The following NEU4 variants were observed in gnomAD, a reference collection of about 807,000 sequenced individuals.
The protein encoded by NEU4 is sialidase-4.
A neutral mutation model predicts 9.9 loss-of-function variants in NEU4; 7 were observed. The observed-to-expected ratio is 0.71, with a 90% CI of 0.40 to 1.33. The LOEUF is 1.33. NEU4 is among the 40% of genes most tolerant of loss of function. NEU4 has a pLI of 0.01. For missense variants in NEU4, 717 were observed against 712.6 expected (o/e 1.01, Z -0.07); for synonymous variants, 348 against 316.9 (o/e 1.10, Z -1.04).
intron 1 of NEU4, among the ~76,000 whole-genome samples, chr2:241,812,561 C>A (rs1411734947): frequency 0.016 from 967 of 59,990 alleles, 11 homozygotes; most frequent in East Asian, 0.048. Context: ...GAACCCAGGG[C>A]CTGGCCACAC....
At chr2:241,814,273 G>A (rs1456594047) in intron 1 of NEU4, 2 of 620,312 alleles carry the variant, frequency 3.2e-6, no homozygotes, top group African/African-American at 1.8e-5. Flanking sequence ...GGGTGGAGTG[G>A]GTGCGAGGGA....
At chr2:241,811,517 G>A (rs1700116122) in intron 1 of NEU4, 3 of 1,426,026 alleles carry the variant, frequency 2.1e-6, no homozygotes, top group Non-Finnish European at 2.8e-6. Flanking sequence ...CGGGCGCCCG[G>A]GGTCAGGACC....
At chr2:241,815,775 T>C (rs1412935537) in intron 3 of NEU4, 2 of 585,576 alleles carry the variant, frequency 3.4e-6, no homozygotes, top group Non-Finnish European at 6.1e-6. Context: ...CAGGGCCTCA[T>C]GCCCCCCGCC....
At position 241,815,072 on chromosome 2, in the gene NEU4, G is replaced by T. The variant is rs867650795; in HGVS notation, c.382G>T (p.Ala128Ser). The T allele has an allele frequency of 2.5e-6, 4 of 1,580,538 alleles. No homozygotes were observed. The highest frequency in any genetic ancestry group is 3.4e-6 in the Non-Finnish European group (4 of 1,170,346). ...GAACGCCGCGCGCCTCTGCTGTGTG[G>T]CCAGCCGTGACGCCGGCCTCTCGTG... Reference protein sequence around the residue: ...GRNAARLCCVASRDAGLSWGS... With the variant: ...GRNAARLCCVSSRDAGLSWGS... Residue 128 changes from alanine (A) to serine (S), a missense_variant, in exon 3 of 4, where the codon GCC becomes TCC. Transcript: ENST00000407683.
At chr2:241,814,060 G>A in intron 1 of NEU4, 1 of 463,732 alleles carries the variant, frequency 2.2e-6, no homozygotes, top group Non-Finnish European at 4.4e-6. Flanking sequence ...GCTCCTCCTT[G>A]CTCGAGGTTT....
At chr2:241,814,112 T>G (rs1407482165) in intron 1 of NEU4, 1 of 569,688 alleles carries the variant, frequency 1.8e-6, no homozygotes, top group Middle Eastern at 2.7e-4. Context: ...GGGCGAATTC[T>G]GGGATGACCC....
chr2:241,814,825 T>C, intron 2 of NEU4, 67 bp from the exon 3 acceptor site: 1 of 1,559,254 alleles, frequency 6.4e-7, no homozygotes. Context: ...CGATCCTGGG[T>C]GCCCTGCGGG....
chr2:241,817,183 A>G lies in NEU4; in HGVS notation c.*135A>G. On this transcript the variant is annotated 3_prime_UTR_variant, in exon 4 of 4. Transcript: ENST00000407683. ...GGATTAGAAACAAGTTGCTCCTCAG[A>G]GCTCTCAAGCAGGGACTGCTCTTTA... 1 of 948,890 alleles carries G rather than the reference A, an allele frequency of 1.1e-6. No homozygotes were observed. Among genetic ancestry groups the G allele is most frequent in the Non-Finnish European group, 1.5e-6 (1 of 676,516 alleles). The allele number at this position is 948,890 out of a possible 1,614,324, so 58.8% of individuals were successfully genotyped here.
intron 1 of NEU4, chr2:241,811,934 G>A (rs1003148275): frequency 2.4e-5 from 4 of 163,730 alleles, no homozygotes; most frequent in Non-Finnish European, 5.2e-5. Flanking sequence ...GGTCAGAGCC[G>A]CCGAGGGCCC....
chr2:241,812,219 T>G (rs1700142449), intron 1 of NEU4, among the ~76,000 whole-genome samples: 1 of 151,636 alleles, frequency 6.6e-6, no homozygotes, highest in Admixed American at 6.6e-5. Flanking sequence ...GGGGGTGGTC[T>G]GTGATGGCCC....
At chr2:241,811,582 G>A (rs1212300723) in intron 1 of NEU4, 9 of 869,678 alleles carry the variant, frequency 1.0e-5, no homozygotes, top group African/African-American at 3.5e-5. Context: ...GGTGCTGGAC[G>A]AGTCCCACTC....
intron 1 of NEU4, chr2:241,811,484 C>T: frequency 6.5e-6 from 10 of 1,532,944 alleles, no homozygotes; most frequent in African/African-American, 1.4e-5. Flanking sequence ...CCTTTGCACC[C>T]CCAGCACCCT....
chr2:241,815,027 G>A lies in NEU4; in HGVS notation c.337G>A (p.Val113Met), dbSNP rs371249745. 52 of 1,601,384 alleles carry A rather than the reference G, an allele frequency of 3.2e-5. No individual in the cohort carries two copies. The highest frequency in any genetic ancestry group is 1.6e-4 in the Middle Eastern group (1 of 6,074). The change falls in exon 3 of 4, where the codon GTG becomes ATG. Residue 113 changes from valine (V) to methionine (M), a missense_variant. Coordinates refer to ENST00000407683, the MANE Select transcript of NEU4 (RefSeq NM_001167600.3). ...GGTGCTGGGCCACACGCCTGAGGCC[G>A]TGCAGATCGCCACGGGAAGGAACGC... ...IAVLGHTPEA[V>M]QIATGRNAAR...
intron 1 of NEU4, 191 bp from the exon 2 acceptor site, chr2:241,814,291 G>A: frequency 3.2e-6 from 2 of 623,510 alleles, no homozygotes; most frequent in Non-Finnish European, 5.8e-6. Flanking sequence ...GGAGGGTGGG[G>A]GAGGGGCTGC....
chr2:241,816,408 C>G lies in NEU4; in HGVS notation c.815C>G (p.Thr272Ser), dbSNP rs757374168. ...PAERVASLPE[T>S]AWGCQGSIVG... ...GAGCGCGTGGCTTCCCTGCCCGAGA[C>G]TGCCTGGGGCTGCCAGGGCAGCATC... is the stretch of plus-strand genomic sequence containing the variant. Residue 272 changes from threonine (T) to serine (S), a missense_variant, in exon 4 of 4, where the codon ACT (threonine) becomes AGT (serine). Thr to Ser is a moderately conservative substitution (Grantham distance 58, BLOSUM62 1). Transcript: ENST00000407683. The G allele has an allele frequency of 6.2e-7, 1 of 1,604,426 alleles. No individual in the cohort carries two copies. Among genetic ancestry groups the G allele is most frequent in the East Asian group, 2.2e-5 (1 of 44,572 alleles).
Position 241,814,542 on chromosome 2 carries a change from C to T in NEU4, c.58C>T (p.Leu20=), listed in dbSNP as rs745715707. ...TVLFERERTG[L]TYRVPSLLPV... ...GCTCTTCGAGCGGGAGAGGACGGGCCTGACCTACCGCGTGCCCTCGCTGCT... is the reference window on the plus strand; with the variant it reads ...GCTCTTCGAGCGGGAGAGGACGGGCTTGACCTACCGCGTGCCCTCGCTGCT... The change falls in exon 2 of 4, where the codon CTG becomes TTG. Residue 20 remains leucine (L), a synonymous_variant. Coordinates refer to ENST00000407683, the MANE Select transcript of NEU4 (RefSeq NM_001167600.3). 1 of 1,612,716 alleles carries T rather than the reference C, an allele frequency of 6.2e-7. No homozygotes were observed. Among genetic ancestry groups the T allele is most frequent in the South Asian group, 1.1e-5 (1 of 91,068 alleles).
chr2:241,814,396 G>A (rs936489387), intron 1 of NEU4, 86 bp from the exon 2 acceptor site: 13 of 1,320,178 alleles, frequency 9.8e-6, no homozygotes, highest in Non-Finnish European at 1.4e-5. Flanking sequence ...TGCACCTCCT[G>A]AGCGCATTCC....
At position 241,816,761 on chromosome 2, in the gene NEU4, C is replaced by T; in HGVS notation, c.1168C>T (p.Leu390=). 1.3e-6 allele frequency: 2 copies of T among 1,579,298 alleles called. No homozygotes were observed. Among genetic ancestry groups the T allele is most frequent in the Non-Finnish European group, 8.6e-7 (1 of 1,163,882 alleles). The change falls in exon 4 of 4, where the codon CTA becomes TTA. Residue 390 remains leucine (L), a synonymous_variant. Coordinates refer to ENST00000407683, the MANE Select transcript of NEU4 (RefSeq NM_001167600.3). ...YSHPVGRRAR[L]HMGIRLSQSP... Reference sequence around the variant, plus strand: ...CCACCCAGTGGGGCGCAGGGCTCGGCTACACATGGGTATCCGCCTGAGCCA... The same window carrying T: ...CCACCCAGTGGGGCGCAGGGCTCGGTTACACATGGGTATCCGCCTGAGCCA...
intron 1 of NEU4, chr2:241,810,924 C>T (rs537498050): frequency 1.0e-6 from 1 of 988,580 alleles, no homozygotes; most frequent in East Asian, 1.1e-4. Flanking sequence ...CCCTGAGAGG[C>T]ACAGGACATT....
Sources: allele counts gnomAD v4.1 joint callset (sites outside exome capture counted in the v4.1 genomes callset), GRCh38; gene constraint gnomAD v4.1.1; transcripts MANE v1.5; gene names NCBI Gene and HGNC (gene_info 2026-07-23, HGNC 2026-07-21).